The following ARHGAP32 variants were observed in gnomAD, a reference collection of about 807,000 sequenced individuals.
ARHGAP32 encodes Rho GTPase activating protein 32.
A neutral mutation model predicts 186.5 loss-of-function variants in ARHGAP32; 51 were observed. The observed-to-expected ratio is 0.27, with a 90% confidence interval of 0.22 to 0.35. The LOEUF (loss-of-function observed/expected upper bound fraction) is 0.35. Ranked by LOEUF, ARHGAP32 falls within the 10% of genes least tolerant of loss-of-function variation. The probability of loss-of-function intolerance (pLI) is 1.00; values close to 1 mark genes in which losing one functional copy is unlikely to be tolerated. For missense variants in ARHGAP32, 2,186 were observed against 2,623.5 expected, an observed-to-expected ratio of 0.83 and a Z score of 3.64; for synonymous variants, 950 against 964.3, an observed-to-expected ratio of 0.99 and a Z score of 0.27.
chr11:129,197,378 T>A (rs774364310), intron 1 of ARHGAP32, among the ~76,000 whole-genome samples: 22 of 152,202 alleles, frequency 1.4e-4, no homozygotes, highest in Non-Finnish European at 2.5e-4. Context: ...AGAACCAAGA[T>A]CTTGATGCTC....
chr11:129,158,427 C>G (rs556331399), intron 2 of ARHGAP32, among the ~76,000 whole-genome samples: 1 of 151,096 alleles, frequency 6.6e-6, no homozygotes, highest in Non-Finnish European at 1.5e-5. Context: ...GAATGCAATC[C>G]TAGTCTCTGA....
chr11:129,277,229 CG>C (rs1945542627), intron 1 of ARHGAP32, among the ~76,000 whole-genome samples: 2 of 151,516 alleles, frequency 1.3e-5, no homozygotes, highest in Admixed American at 6.6e-5. Flanking sequence ...TATATAGCAC[CG>C]AGAGAGAGAG....
At chr11:129,097,757 A>C (rs146370274) in intron 5 of ARHGAP32, among the ~76,000 whole-genome samples, 8 of 152,314 alleles carry the variant, frequency 5.3e-5, no homozygotes, top group Non-Finnish European at 1.2e-4. Context: ...TTATTTGAAA[A>C]GATAATGGCC....
intron 1 of ARHGAP32, among the ~76,000 whole-genome samples, chr11:129,267,981 G>A (rs1448700064): frequency 6.6e-6 from 1 of 152,132 alleles, no homozygotes; most frequent in Admixed American, 6.5e-5. Context: ...AGGCATTAAT[G>A]TAGACAGGAA....
chr11:128,986,479 G>C, intron 14 of ARHGAP32, 45 bp downstream of exon 14: 1 of 1,602,452 alleles, frequency 6.2e-7, no homozygotes, highest in Non-Finnish European at 8.5e-7. Context: ...CAAAAGCACA[G>C]CAAAGTTCCA....
At position 129,040,961 on chromosome 11, in the gene ARHGAP32, G is replaced by A; in HGVS notation, c.1012C>T (p.Pro338Ser). 6.2e-7 allele frequency: 1 copy of A among 1,606,648 alleles called. No individual in the cohort carries two copies. Among genetic ancestry groups the A allele is most frequent in the South Asian group, 1.1e-5 (1 of 89,038 alleles). Residue 338 changes from proline to serine, a missense_variant, in exon 11 of 23, where the codon CCC (proline) becomes TCC (serine). Physicochemically the swap from Pro to Ser is moderately conservative, Grantham distance 74. This residue lies in a region of ARHGAP32 where 308 missense variants were observed against 596.5 expected (regional missense o/e 0.52). Coordinates refer to ENST00000682385, the MANE Select transcript of ARHGAP32 (RefSeq NM_001378024.1). ...GGCACTGAGTTGGTCACTGACTGGG[G>A]AACTTTTTGGTTAATTAACTCAACA... ...HCVELINQKV[P>S]QSVTNSVPKP...
intron 2 of ARHGAP32, among the ~76,000 whole-genome samples, chr11:129,150,114 C>CAAAAAAAAAAA (rs61492745): frequency 3.8e-5 from 3 of 78,124 alleles, no homozygotes; most frequent in Non-Finnish European, 5.7e-5. Context: ...CTGACAAAGA[C>CAAAAAAAAAAA]AAAAAAAAAA....
In ARHGAP32 at chr11:128,967,220, T is replaced by C; in HGVS notation, c.*1687A>G. The C allele has an allele frequency of 6.6e-6, 1 of 152,252 alleles. No individual in the cohort carries two copies. The highest frequency in any genetic ancestry group is 1.9e-4 in the East Asian group (1 of 5,208). 9.4% of individuals were successfully genotyped at this position (152,252 alleles called of 1,614,324 possible). On this transcript the variant is annotated 3_prime_UTR_variant, in exon 23 of 23. Coordinates refer to ENST00000682385, the MANE Select transcript of ARHGAP32 (RefSeq NM_001378024.1). ...TTATTTTTTAAAATAAAAACTGGCATGAATCCTAATCTTTATACAATTTCA... is the reference window on the plus strand; with the variant it reads ...TTATTTTTTAAAATAAAAACTGGCACGAATCCTAATCTTTATACAATTTCA...
rs114959232 is a variant in ARHGAP32, at chr11:129,158,500, G to A, written c.225+5819C>T. ...AGAGCTAAAGGGATCAATGTAACAAGAAGAAGCTAACTATCCTAAATATAC... is the reference window on the plus strand; with the variant it reads ...AGAGCTAAAGGGATCAATGTAACAAAAAGAAGCTAACTATCCTAAATATAC... On this transcript the variant is annotated intron_variant, in intron 2 of 22. Coordinates refer to ENST00000682385, the MANE Select transcript of ARHGAP32 (RefSeq NM_001378024.1). 4.5e-3 allele frequency among the ~76,000 whole-genome samples: 674 copies of A among 151,196 alleles called. 8 individuals are homozygous for A. Among genetic ancestry groups the A allele is most frequent in the African/African-American group, 0.016 (647 of 41,180 alleles).
chr11:129,062,258 C>T (rs1417865008), intron 10 of ARHGAP32, 22 bp downstream of exon 10: 7 of 1,608,650 alleles, frequency 4.4e-6, no homozygotes, highest in South Asian at 3.3e-5. Flanking sequence ...AATTTTCCCA[C>T]ACCTAATTTG....
Position 129,106,496 on chromosome 11 carries a change from T to A in ARHGAP32, c.445-12789A>T, listed in dbSNP as rs142211623. Among the ~76,000 whole-genome samples, 79 of 151,936 alleles carry A rather than the reference T, an allele frequency of 5.2e-4. 1 individual carries two copies. In the East Asian group the frequency reaches 6.6e-3, roughly 13 times the overall value. On this transcript the variant is annotated intron_variant, in intron 5 of 22. Coordinates refer to ENST00000682385, the MANE Select transcript of ARHGAP32 (RefSeq NM_001378024.1). ...CAGGTACTTACGGAAATAAAGATGG[T>A]AACAATAGACACTGGGGACTACTAG...
intron 6 of ARHGAP32, among the ~76,000 whole-genome samples, chr11:129,093,158 A>G (rs993822086): frequency 6.6e-6 from 1 of 152,110 alleles, no homozygotes; most frequent in East Asian, 1.9e-4. Context: ...TGAAGCAGAG[A>G]TAACATAATC....
intron 1 of ARHGAP32, among the ~76,000 whole-genome samples, chr11:129,191,665 G>GGCAC (rs1223840723): frequency 2.4e-5 from 2 of 82,834 alleles, no homozygotes; most frequent in African/African-American, 7.4e-5. Flanking sequence ...CAGGCAGGCA[G>GGCAC]GCACGCACAC....
Position 128,968,766 on chromosome 11 carries a change from T to C in ARHGAP32, c.*141A>G, listed in dbSNP as rs1262712893. ...GAAGCAGGGAAGGGGAAAAAGATGC[T>C]GATTTGTTTACTTTTATTATCATTT... On this transcript the variant is annotated 3_prime_UTR_variant, in exon 23 of 23. Transcript: ENST00000682385. 3 of 644,600 alleles carry C rather than the reference T, an allele frequency of 4.7e-6. No individual in the cohort carries two copies. The highest frequency in any genetic ancestry group is 7.7e-5 in the Admixed American group (2 of 25,820). 39.9% of individuals were successfully genotyped at this position (644,600 alleles called of 1,614,324 possible).
intron 6 of ARHGAP32, among the ~76,000 whole-genome samples, chr11:129,093,118 T>G (rs1470913686): frequency 1.3e-5 from 2 of 152,048 alleles, no homozygotes; most frequent in Non-Finnish European, 2.9e-5. Flanking sequence ...GAAGAGAAAC[T>G]TAATGTCTCA....
At chr11:129,081,589 G>T (rs1000713129) in intron 6 of ARHGAP32, among the ~76,000 whole-genome samples, 2 of 151,896 alleles carry the variant, frequency 1.3e-5, no homozygotes, top group East Asian at 1.9e-4. Context: ...AGCAAAATCA[G>T]TATGGAAGGG....
intron 2 of ARHGAP32, among the ~76,000 whole-genome samples, chr11:129,140,326 C>T (rs755731319): frequency 5.3e-5 from 8 of 152,194 alleles, no homozygotes; most frequent in Admixed American, 2.0e-4. Context: ...CTTTGATTTC[C>T]GCTTTAGGAG....
At chr11:129,097,405 T>G (rs1187516703) in intron 5 of ARHGAP32, among the ~76,000 whole-genome samples, 1 of 152,098 alleles carries the variant, frequency 6.6e-6, no homozygotes, top group Non-Finnish European at 1.5e-5. Flanking sequence ...TTCGAAGACC[T>G]AAAGGAAGTT....
chr11:129,030,479 G>A (rs1939063360), intron 11 of ARHGAP32: 1 of 151,908 alleles, frequency 6.6e-6, no homozygotes, highest in Admixed American at 6.6e-5. Context: ...AAGTTACTGA[G>A]TTATCTCAAT....
Sources: allele counts gnomAD v4.1 joint callset (sites outside exome capture counted in the v4.1 genomes callset), GRCh38; gene constraint gnomAD v4.1.1; regional missense constraint gnomAD v4.1.1; transcripts MANE v1.5; gene names NCBI Gene and HGNC (gene_info 2026-07-23, HGNC 2026-07-21).